RAPGEF5: variants seen among roughly 807,000 people sequenced by gnomAD.
RAPGEF5 encodes M-Ras-regulated GEF.
In RAPGEF5, 65 loss-of-function variants were observed where a neutral mutation model predicts 125.2. The ratio of observed to expected loss-of-function variants is 0.52; its 90% CI spans 0.43 to 0.64. RAPGEF5 has a LOEUF of 0.64. RAPGEF5 is among the 30% of genes least tolerant of loss of function. The pLI, the probability that RAPGEF5 is intolerant of heterozygous loss-of-function variation, is 0.00. For synonymous variants in RAPGEF5, 391 were observed against 385.9 expected (o/e 1.01, Z -0.16); for missense variants, 958 against 1,048.1 (o/e 0.91, Z 1.19).
chr7:22,316,988 A>C (rs961322754), intron 2 of RAPGEF5, among the ~76,000 whole-genome samples: 3 of 151,990 alleles, frequency 2.0e-5, no homozygotes, highest in Admixed American at 6.6e-5. Context: ...AAAAAAAAAA[A>C]AAAACAAAGC....
At chr7:22,291,374 G>T in intron 5 of RAPGEF5, 133 bp from the exon 6 acceptor site, 1 of 1,363,794 alleles carries the variant, frequency 7.3e-7, no homozygotes, top group Non-Finnish European at 9.6e-7. Context: ...AATAACAAAG[G>T]TTGTGACAGT....
At chr7:22,356,642 A>C (rs1583602126) in intron 1 of RAPGEF5, 188 bp downstream of exon 1, 2 of 187,554 alleles carry the variant, frequency 1.1e-5, no homozygotes, top group Non-Finnish European at 1.9e-5. Context: ...GGGCGGGGGA[A>C]GCCGTCGCTC....
chr7:22,276,419 G>A (rs1326068292), intron 6 of RAPGEF5, among the ~76,000 whole-genome samples: 1 of 152,080 alleles, frequency 6.6e-6, no homozygotes. Context: ...GCCCTTTGGA[G>A]GTAAGATTAT....
At chr7:22,144,912 G>T in intron 20 of RAPGEF5, 132 bp downstream of exon 20, 2 of 1,017,674 alleles carry the variant, frequency 2.0e-6, no homozygotes, top group Non-Finnish European at 2.8e-6. Flanking sequence ...GACATTTTCA[G>T]CCATTTAGTC....
chr7:22,292,328 T>A (rs1225543192), intron 5 of RAPGEF5, among the ~76,000 whole-genome samples: 2 of 152,230 alleles, frequency 1.3e-5, no homozygotes, highest in Non-Finnish European at 2.9e-5. Context: ...ATTAAACCCT[T>A]TTCCAGAAAG....
At chr7:22,214,765 G>A (rs931888141) in intron 9 of RAPGEF5, among the ~76,000 whole-genome samples, 2 of 141,632 alleles carry the variant, frequency 1.4e-5, no homozygotes, top group East Asian at 2.1e-4. Flanking sequence ...GCCCTCTTTC[G>A]AAGGACTGCT....
intron 9 of RAPGEF5, among the ~76,000 whole-genome samples, chr7:22,200,123 C>G (rs907854645): frequency 6.6e-6 from 1 of 151,968 alleles, no homozygotes; most frequent in African/African-American, 2.4e-5. Context: ...TCACATAAAG[C>G]CTAGCTGACC....
At chr7:22,160,682 C>A in intron 13 of RAPGEF5, 67 bp from the exon 14 acceptor site, 1 of 1,430,216 alleles carries the variant, frequency 7.0e-7, no homozygotes, top group East Asian at 2.7e-5. Flanking sequence ...AAGACTCATA[C>A]CATGGCTATC....
At chr7:22,263,964 T>G (rs965674613) in intron 7 of RAPGEF5, among the ~76,000 whole-genome samples, 1 of 152,092 alleles carries the variant, frequency 6.6e-6, no homozygotes. Context: ...CAAGAAAAAA[T>G]AGTTATTTTT....
intron 10 of RAPGEF5, chr7:22,193,711 C>A: frequency 1.3e-6 from 2 of 1,552,736 alleles, no homozygotes; most frequent in Non-Finnish European, 1.7e-6. Context: ...AAGATCTTGC[C>A]ATCCCTGTCC....
intron 11 of RAPGEF5, among the ~76,000 whole-genome samples, chr7:22,184,593 C>T (rs530714931): frequency 8.1e-4 from 124 of 152,306 alleles, no homozygotes; most frequent in Non-Finnish European, 1.4e-3. Flanking sequence ...CATTAAATAT[C>T]TTCCTTTGCC....
At chr7:22,301,927 C>T (rs764257307) in intron 5 of RAPGEF5, among the ~76,000 whole-genome samples, 2 of 152,172 alleles carry the variant, frequency 1.3e-5, no homozygotes, top group Non-Finnish European at 2.9e-5. Context: ...GACTTGCCAG[C>T]TTGTTATCTG....
At chr7:22,201,566 G>A (rs1785277952) in intron 9 of RAPGEF5, among the ~76,000 whole-genome samples, 1 of 152,214 alleles carries the variant, frequency 6.6e-6, no homozygotes. Context: ...AAGCTTTAGG[G>A]TAGGGTGTGT....
At chr7:22,332,927 CT>C (rs1028470660) in intron 1 of RAPGEF5, among the ~76,000 whole-genome samples, 4 of 152,032 alleles carry the variant, frequency 2.6e-5, no homozygotes, top group Non-Finnish European at 5.9e-5. Flanking sequence ...GGCTTTCAAA[CT>C]TTTTTTTACT....
intron 2 of RAPGEF5, among the ~76,000 whole-genome samples, chr7:22,316,477 ATATATATATATATTTT>A (rs1562525621): frequency 1.7e-5 from 1 of 59,084 alleles, no homozygotes; most frequent in African/African-American, 7.8e-5. Flanking sequence ...ATATATATAT[ATATATATATATATTTT>A]TTTTTTTTTT....
chr7:22,261,773 A>C (rs1471085928), intron 7 of RAPGEF5, among the ~76,000 whole-genome samples: 1 of 152,168 alleles, frequency 6.6e-6, no homozygotes, highest in African/African-American at 2.4e-5. Flanking sequence ...AAATACGCCC[A>C]CATGACTTTT....
At chr7:22,147,443 C>A (rs1193677545) in intron 18 of RAPGEF5, among the ~76,000 whole-genome samples, 1 of 152,214 alleles carries the variant, frequency 6.6e-6, no homozygotes, top group Non-Finnish European at 1.5e-5. Context: ...TAAAGACAGA[C>A]ATGGCGTTTA....
intron 23 of RAPGEF5, among the ~76,000 whole-genome samples, chr7:22,134,455 A>G (rs536972896): frequency 6.6e-6 from 1 of 150,796 alleles, no homozygotes; most frequent in South Asian, 2.1e-4. Flanking sequence ...CGATAAACTC[A>G]GCAGAGCAGA....
intron 6 of RAPGEF5, among the ~76,000 whole-genome samples, chr7:22,269,180 CAAAAAAA>C (rs34791723): frequency 2.3e-3 from 170 of 73,882 alleles, no homozygotes; most frequent in African/African-American, 5.5e-3. Context: ...AAGTTTTTGA[CAAAAAAA>C]AAAAAAAAAA....
Sources: allele counts gnomAD v4.1 joint callset (sites outside exome capture counted in the v4.1 genomes callset), GRCh38; gene constraint gnomAD v4.1.1; transcripts MANE v1.5; gene names NCBI Gene and HGNC (gene_info 2026-07-23, HGNC 2026-07-21).